SLC24A4: variants seen among roughly 807,000 people sequenced by gnomAD.
SLC24A4 encodes the protein solute carrier family 24 member 4, also known as sodium/potassium/calcium exchanger 4.
In SLC24A4, 53 loss-of-function variants were observed where a neutral mutation model predicts 79.0. The observed-to-expected ratio is 0.67, with a 90% CI of 0.54 to 0.84. The LOEUF is 0.84. SLC24A4 is among the 40% of genes least tolerant of loss of function. The pLI, the probability that SLC24A4 is intolerant of heterozygous loss-of-function variation, is 0.00. For synonymous variants in SLC24A4, 323 were observed against 323.8 expected (o/e 1.00, Z 0.03); for missense variants, 731 against 822.0 (o/e 0.89, Z 1.35).
chr14:92,395,819 A>G (rs931367115), intron 2 of SLC24A4, among the ~76,000 whole-genome samples: 3 of 151,794 alleles, frequency 2.0e-5, no homozygotes, highest in African/African-American at 7.3e-5. Flanking sequence ...TTTCATATTT[A>G]TTATTTATTT....
rs4900132 is a variant in SLC24A4 at position 92,493,894 on chromosome 14, A to G, written c.*266A>G. The G allele has an allele frequency of 0.18, 83,779 of 475,144 alleles. 8,093 individuals are homozygous for G. Among genetic ancestry groups the G allele is most frequent in the African/African-American group, 0.26 (13,457 of 51,646 alleles). The allele number at this position is 475,144 out of a possible 1,614,324, so 29.4% of individuals were successfully genotyped here. A position where few individuals can be genotyped will look rare whatever the true frequency, so the allele number is the denominator to read the frequency against. On this transcript the variant is annotated 3_prime_UTR_variant, in exon 17 of 17. Transcript: ENST00000532405. Reference sequence around the variant, plus strand: ...TTCAAAGACCCCTGAGCTGCCAACCACGGAGATGTGCCAAGCATCTCATCT... The same window carrying G: ...TTCAAAGACCCCTGAGCTGCCAACCGCGGAGATGTGCCAAGCATCTCATCT...
chr14:92,404,876 A>G (rs546610065), intron 2 of SLC24A4, among the ~76,000 whole-genome samples: 4 of 152,258 alleles, frequency 2.6e-5, no homozygotes, highest in East Asian at 1.9e-4. Flanking sequence ...CTTTATTCCT[A>G]TCATCTAGTC....
chr14:92,395,531 A>G (rs1363188941), intron 2 of SLC24A4, among the ~76,000 whole-genome samples: 13 of 152,128 alleles, frequency 8.5e-5, no homozygotes. Flanking sequence ...AGCTCCAAAA[A>G]CTTCATTTGC....
chr14:92,359,456 G>A (rs558017335), intron 2 of SLC24A4, among the ~76,000 whole-genome samples: 18 of 151,988 alleles, frequency 1.2e-4, no homozygotes, highest in African/African-American at 3.6e-4. Flanking sequence ...AGAATTAGCC[G>A]GGTGTGGTGG....
chr14:92,445,403 T>A (rs751407775), intron 8 of SLC24A4, 61 bp downstream of exon 8: 301 of 1,541,220 alleles, frequency 2.0e-4, no homozygotes, highest in Non-Finnish European at 2.3e-4. Flanking sequence ...GTATCCTTAT[T>A]TGTTGGGTTC....
At chr14:92,437,618 A>G (rs1202374212) in intron 3 of SLC24A4, among the ~76,000 whole-genome samples, 1 of 152,190 alleles carries the variant, frequency 6.6e-6, no homozygotes, top group Non-Finnish European at 1.5e-5. Context: ...TGGGTTCTTT[A>G]CTCCATGAAC....
At chr14:92,412,925 A>G (rs1454431000) in intron 2 of SLC24A4, among the ~76,000 whole-genome samples, 1 of 152,220 alleles carries the variant, frequency 6.6e-6, no homozygotes, top group African/African-American at 2.4e-5. Flanking sequence ...AAGGAATACT[A>G]TTTTATGACA....
intron 2 of SLC24A4, among the ~76,000 whole-genome samples, chr14:92,394,831 A>G (rs1159862385): frequency 2.0e-5 from 3 of 152,230 alleles, no homozygotes; most frequent in Non-Finnish European, 4.4e-5. Flanking sequence ...TTCTCTGTCA[A>G]TGTTTAATTC....
In SLC24A4 at chr14:92,474,843, G is replaced by GTATATATATATATATATATA. The variant is rs1555374575; in HGVS notation, c.1256-7835_1256-7816dup. 8.4e-4 allele frequency among the ~76,000 whole-genome samples: 20 copies of GTATATATATATATATATATA among 23,868 alleles called. 1 individual carries two copies. In the East Asian group the frequency reaches 0.01, roughly 12 times the overall value. The allele number at this position is 23,868 out of a possible 152,430, so 15.7% of individuals were successfully genotyped here. A position where few individuals can be genotyped will look rare whatever the true frequency, so the allele number is the denominator to read the frequency against. On this transcript the variant is annotated intron_variant, in intron 12 of 16. Coordinates refer to ENST00000532405, the MANE Select transcript of SLC24A4 (RefSeq NM_153646.4). Reference sequence around the variant, plus strand: ...TATACATATATATGTGTGTGTGTGTGTATATATATATATATATATATTTTT... The same window carrying GTATATATATATATATATATA: ...TATACATATATATGTGTGTGTGTGTGTATATATATATATATATATATATATATATATATATATATATTTTT...
In SLC24A4 at chr14:92,398,601, C is replaced by G. The variant is rs971090808; in HGVS notation, c.242-35311C>G. Among the ~76,000 whole-genome samples the G allele has an allele frequency of 1.3e-5, 2 of 152,208 alleles. No individual in the cohort carries two copies. The highest frequency in any genetic ancestry group is 4.8e-5 in the African/African-American group (2 of 41,444). Reference sequence around the variant, plus strand: ...CCCTTGCTCCCAGGACCACACCTGGCCAGGGCTGCTGGGACAGGCTCCTTC... The same window carrying G: ...CCCTTGCTCCCAGGACCACACCTGGGCAGGGCTGCTGGGACAGGCTCCTTC... On this transcript the variant is annotated intron_variant, in intron 2 of 16. Coordinates refer to ENST00000532405, the MANE Select transcript of SLC24A4 (RefSeq NM_153646.4). This position sits in a 1 kb window ranked among gnomAD's most constrained non-coding sequence, Gnocchi z 4.1.
chr14:92,448,297 A>G (rs897113450), intron 9 of SLC24A4, among the ~76,000 whole-genome samples: 13 of 149,722 alleles, frequency 8.7e-5, no homozygotes, highest in African/African-American at 3.0e-4. Flanking sequence ...AAAAAGGGAA[A>G]GTAGTTAGAA....
chr14:92,374,654 A>G (rs1451032168), intron 2 of SLC24A4, among the ~76,000 whole-genome samples: 2 of 152,062 alleles, frequency 1.3e-5, no homozygotes, highest in Non-Finnish European at 2.9e-5. Flanking sequence ...TTCTTGCTGC[A>G]TTTTCTCATG....
intron 2 of SLC24A4, among the ~76,000 whole-genome samples, chr14:92,411,642 A>G (rs1348232780): frequency 2.0e-5 from 3 of 152,152 alleles, no homozygotes; most frequent in Non-Finnish European, 2.9e-5. Flanking sequence ...GGAGGAGGAG[A>G]AATCCATATT....
intron 12 of SLC24A4, among the ~76,000 whole-genome samples, chr14:92,481,881 G>A (rs1483650491): frequency 1.3e-5 from 2 of 152,156 alleles, no homozygotes; most frequent in African/African-American, 4.8e-5. Context: ...ACCTGCTTGT[G>A]CACACCTATC....
intron 2 of SLC24A4, among the ~76,000 whole-genome samples, chr14:92,370,194 C>T (rs902173073): frequency 6.6e-5 from 10 of 152,092 alleles, no homozygotes; most frequent in Non-Finnish European, 4.4e-5. Context: ...AATTTAAACA[C>T]AGTTGAAGAA....
intron 2 of SLC24A4, among the ~76,000 whole-genome samples, chr14:92,387,970 C>T (rs555793045): frequency 1.3e-5 from 2 of 152,316 alleles, no homozygotes; most frequent in East Asian, 1.9e-4. Flanking sequence ...ACACTGTTTC[C>T]ACCTTTTGGC....
chr14:92,349,565 A>G (rs1886753526), intron 2 of SLC24A4, among the ~76,000 whole-genome samples: 1 of 152,228 alleles, frequency 6.6e-6, no homozygotes, highest in Admixed American at 6.5e-5. Flanking sequence ...GACAGATTTT[A>G]TATGCCCTTC....
chr14:92,456,728 G>A, intron 12 of SLC24A4, 120 bp downstream of exon 12: 1 of 993,532 alleles, frequency 1.0e-6, no homozygotes, highest in East Asian at 2.6e-5. Context: ...GGTGCAAAGG[G>A]TCGATATTAG....
At chr14:92,415,896 T>C (rs909601081) in intron 2 of SLC24A4, among the ~76,000 whole-genome samples, 12 of 152,154 alleles carry the variant, frequency 7.9e-5, no homozygotes, top group Non-Finnish European at 1.5e-4. Flanking sequence ...TGAACCCGAT[T>C]TGTAACCTTT....
Sources: gnomAD v4.1 joint callset for allele counts (sites outside exome capture counted in the v4.1 genomes callset) on GRCh38, gnomAD v4.1.1 for gene constraint, Gnocchi (gnomAD v3.1) non-coding constraint, MANE v1.5 for transcripts, NCBI Gene and HGNC (gene_info 2026-07-23, HGNC 2026-07-21) for gene names.